Variants in SEZ6 observed in about 807,000 individuals in gnomAD.
The protein encoded by SEZ6 is seizure related 6 homolog.
SEZ6 carries 53 observed loss-of-function variants against 101.0 expected under a neutral mutation model. The ratio of observed to expected loss-of-function variants is 0.52; its 90% CI spans 0.42 to 0.66. The LOEUF (loss-of-function observed/expected upper bound fraction) is 0.66. Among genes scored for constraint, SEZ6 ranks in the 30% least tolerant of loss-of-function variants. SEZ6 has a pLI of 0.00. For synonymous variants in SEZ6, 488 were observed against 512.2 expected (o/e 0.95, Z 0.64); for missense variants, 1,102 against 1,289.4 (o/e 0.85, Z 2.23).
chr17:29,004,631 C>T (rs1016427382), intron 1 of SEZ6, among the ~76,000 whole-genome samples: 3 of 152,188 alleles, frequency 2.0e-5, no homozygotes, highest in South Asian at 2.1e-4. Context: ...ACCTCGGCAG[C>T]GGCCTGGAAA....
At position 28,995,155 on chromosome 17, in the gene SEZ6, G is replaced by A. The variant is rs766191966; in HGVS notation, c.55+10660C>T. 8.6e-5 allele frequency among the ~76,000 whole-genome samples: 13 copies of A among 151,582 alleles called. No homozygotes were observed. The South Asian group carries it at 1.5e-3, about 17-fold the overall frequency. On this transcript the variant is annotated intron_variant, in intron 1 of 16. Coordinates refer to ENST00000317338, the MANE Select transcript of SEZ6 (RefSeq NM_178860.5). ...CCCAAAGTGCTTGGATTACAGGCGT[G>A]AGCCACCGCGCCCGGCCGACTTGTC...
upstream of SEZ6, chr17:29,006,053 C>A: frequency 2.5e-6 from 1 of 392,174 alleles, no homozygotes. Context: ...CTGGCGACGG[C>A]GCCGGGGATC....
chr17:28,957,586 CA>C (rs1375057888), intron 11 of SEZ6, 47 bp from the exon 12 acceptor site: 1 of 1,565,734 alleles, frequency 6.4e-7, no homozygotes, highest in Non-Finnish European at 8.7e-7. Flanking sequence ...GAGAACTAAG[CA>C]GAGGCCAATC....
chr17:28,970,208 G>A (rs2041131981), intron 3 of SEZ6, among the ~76,000 whole-genome samples: 1 of 152,208 alleles, frequency 6.6e-6, no homozygotes, highest in African/African-American at 2.4e-5. Context: ...ACTGGGGTTT[G>A]TAAACACATC....
chr17:29,001,870 G>T (rs573303958), intron 1 of SEZ6, among the ~76,000 whole-genome samples: 1 of 152,246 alleles, frequency 6.6e-6, no homozygotes, highest in East Asian at 1.9e-4. Context: ...AGTAAGCTGG[G>T]GACCCAGAAA....
chr17:28,959,936 T>G lies in SEZ6; in HGVS notation c.1577-44A>C. 1 of 1,560,924 alleles carries G rather than the reference T, an allele frequency of 6.4e-7. No individual in the cohort carries two copies. Among genetic ancestry groups the G allele is most frequent in the South Asian group, 1.2e-5 (1 of 85,320 alleles). On this transcript the variant is annotated intron_variant, in intron 7 of 16. Transcript: ENST00000317338. This position sits in a 1 kb window ranked among gnomAD's most constrained non-coding sequence, Gnocchi z 4.4. Reference sequence around the variant, plus strand: ...AGCCCAGCTCAGCCTTGACTGGTATTAAACACAGTGGGCAAGCATCCCCCT... The same window carrying G: ...AGCCCAGCTCAGCCTTGACTGGTATGAAACACAGTGGGCAAGCATCCCCCT...
At position 28,959,298 on chromosome 17, in the gene SEZ6, C is replaced by T. The variant is rs773951748; in HGVS notation, c.1910+36G>A. On this transcript the variant is annotated intron_variant, in intron 9 of 16. Transcript: ENST00000317338. This position sits in a 1 kb window ranked among gnomAD's most constrained non-coding sequence, Gnocchi z 4.4. ...CTGGACAAGGGATATCCCCAGACCT[C>T]AGGAGTTGGCTCGGCCTGACCCGGT... 1 of 1,613,912 alleles carries T rather than the reference C, an allele frequency of 6.2e-7. No individual in the cohort carries two copies. The highest frequency in any genetic ancestry group is 1.7e-5 in the Admixed American group (1 of 60,020).
intron 1 of SEZ6, among the ~76,000 whole-genome samples, chr17:29,003,124 A>G (rs2041637100): frequency 6.6e-6 from 1 of 152,178 alleles, no homozygotes; most frequent in Non-Finnish European, 1.5e-5. Flanking sequence ...AGTTTAATTA[A>G]CTTTATTGAT....
chr17:28,976,735 G>A (rs1462689387), intron 3 of SEZ6, among the ~76,000 whole-genome samples: 3 of 152,066 alleles, frequency 2.0e-5, no homozygotes, highest in Non-Finnish European at 4.4e-5. Flanking sequence ...CTTACCCTCC[G>A]CCCCTACACA....
At position 28,981,882 on chromosome 17, in the gene SEZ6, C is replaced by T. The variant is rs753933558; in HGVS notation, c.213G>A (p.Pro71=). 40 of 1,613,714 alleles carry T rather than the reference C, an allele frequency of 2.5e-5. No homozygotes were observed. Among genetic ancestry groups the T allele is most frequent in the Middle Eastern group, 1.6e-4 (1 of 6,084 alleles). Residue 71 remains proline (P), a synonymous_variant, in exon 2 of 17, where the codon CCG becomes CCA. Coordinates refer to ENST00000317338, the MANE Select transcript of SEZ6 (RefSeq NM_178860.5). ...CCTCTTGTAGGAATTCCTCAAGCAG[C>T]GGGTGGTGGTTGAGCAGCTTCAAGG... is the stretch of plus-strand genomic sequence containing the variant. The part of the protein sequence containing the change: ...APTLKLLNHH[P]LLEEFLQEGL...
chr17:28,959,647 G>A lies in SEZ6; in HGVS notation c.1771+51C>T. 1 of 1,543,628 alleles carries A rather than the reference G, an allele frequency of 6.5e-7. No homozygotes were observed. The highest frequency in any genetic ancestry group is 1.2e-5 in the South Asian group (1 of 80,468). Reference sequence around the variant, plus strand: ...CCCCGGGCTCTGCTGCTATTCTCCTGGTATGACCCTGCCTTTTGCCCGGTA... The same window carrying A: ...CCCCGGGCTCTGCTGCTATTCTCCTAGTATGACCCTGCCTTTTGCCCGGTA... On this transcript the variant is annotated intron_variant, in intron 8 of 16. Coordinates refer to ENST00000317338, the MANE Select transcript of SEZ6 (RefSeq NM_178860.5). The surrounding 1 kb of genome is among the most constrained non-coding windows in gnomAD (Gnocchi z 4.4).
Position 28,958,981 on chromosome 17 carries a change from A to G in SEZ6, c.2107+44T>C. 3.2e-6 allele frequency: 5 copies of G among 1,563,748 alleles called. No individual in the cohort carries two copies. In the African/African-American group the frequency reaches 4.1e-5, roughly 13 times the overall value. ...ACTGCCCTAGCCTCTTTGGCTTGCC[A>G]TGGCTTGCTGTCTGCACTCTGAGTG... On this transcript the variant is annotated intron_variant, in intron 10 of 16. Coordinates refer to ENST00000317338, the MANE Select transcript of SEZ6 (RefSeq NM_178860.5).
intron 1 of SEZ6, among the ~76,000 whole-genome samples, chr17:28,987,272 A>G (rs931075200): frequency 6.6e-6 from 1 of 152,142 alleles, no homozygotes; most frequent in African/African-American, 2.4e-5. Context: ...GCAGACCCCT[A>G]TTATCCGAGA....
intron 4 of SEZ6, among the ~76,000 whole-genome samples, chr17:28,967,994 G>A (rs967099887): frequency 4.6e-5 from 7 of 152,040 alleles, no homozygotes; most frequent in South Asian, 2.1e-4. Context: ...TGTCAGGGCC[G>A]TCTGCCTCCC....
chr17:28,957,137 G>C lies in SEZ6; in HGVS notation c.2600C>G (p.Ala867Gly). ...PAGATIHFSC[A>G]PGYVLKGQAS... ...CTGGCCCTTCAGCACATAGCCAGGG[G>C]CACACGAGAAGTGGATGGTGGCCCC... Residue 867 changes from alanine (A) to glycine (G), a missense_variant, in exon 13 of 17, where the codon GCC (alanine) becomes GGC (glycine). Physicochemically the swap from Ala to Gly is moderately conservative, Grantham distance 60. Transcript: ENST00000317338. The C allele has an allele frequency of 6.2e-7, 1 of 1,613,968 alleles. No homozygotes were observed. Among genetic ancestry groups the C allele is most frequent in the Non-Finnish European group, 8.5e-7 (1 of 1,179,856 alleles).
chr17:28,955,812 G>A lies in SEZ6; in HGVS notation c.*150C>T. 1 of 917,066 alleles carries A rather than the reference G, an allele frequency of 1.1e-6. No individual in the cohort carries two copies. Among genetic ancestry groups the A allele is most frequent in the South Asian group, 1.4e-5 (1 of 70,918 alleles). The allele number at this position is 917,066 out of a possible 1,614,324, so 56.8% of individuals were successfully genotyped here. A position where few individuals can be genotyped will look rare whatever the true frequency, so the allele number is the denominator to read the frequency against. On this transcript the variant is annotated 3_prime_UTR_variant, in exon 17 of 17. Transcript: ENST00000317338. ...CATGGTGGGCATCGCAGGCGGGGAA[G>A]GGCACAACTTCTTGAGGGCTTGGTG...
At chr17:29,002,816 G>A (rs1186285720) in intron 1 of SEZ6, among the ~76,000 whole-genome samples, 1 of 152,196 alleles carries the variant, frequency 6.6e-6, no homozygotes, top group Non-Finnish European at 1.5e-5. Flanking sequence ...GGCAGCCCTC[G>A]TTTGTTAACC....
At chr17:28,971,362 G>A (rs1269736034) in intron 3 of SEZ6, among the ~76,000 whole-genome samples, 1 of 152,142 alleles carries the variant, frequency 6.6e-6, no homozygotes, top group East Asian at 1.9e-4. Flanking sequence ...GGAGGCCAAG[G>A]CAGGTGGATC....
intron 1 of SEZ6, among the ~76,000 whole-genome samples, chr17:29,000,861 C>T (rs2041606572): frequency 6.6e-6 from 1 of 152,082 alleles, no homozygotes; most frequent in South Asian, 2.1e-4. Flanking sequence ...TGGGCTTTAC[C>T]TCTGCCAATA....
Sources: allele counts gnomAD v4.1 joint callset (sites outside exome capture counted in the v4.1 genomes callset), GRCh38; gene constraint gnomAD v4.1.1; non-coding constraint Gnocchi (gnomAD v3.1); transcripts MANE v1.5; gene names NCBI Gene and HGNC (gene_info 2026-07-23, HGNC 2026-07-21).